The following BDKRB2 variants were observed in gnomAD, a reference collection of about 807,000 sequenced individuals.
BDKRB2 encodes bradykinin receptor B2.
BDKRB2 carries 6 observed loss-of-function variants against 4.0 expected under a neutral mutation model. That is an observed-to-expected ratio of 1.49 (90% CI 0.81 to 2.93). BDKRB2 has a LOEUF of 2.93. Ranked by LOEUF, BDKRB2 falls within the 30% of genes most tolerant of loss-of-function variation. The pLI is 0.00. For missense variants in BDKRB2, 478 were observed against 520.1 expected, an observed-to-expected ratio of 0.92 and a Z score of 0.79; for synonymous variants, 225 against 215.3, an observed-to-expected ratio of 1.05 and a Z score of -0.40.
chr14:96,235,619 T>C (rs1848734065), intron 1 of BDKRB2, among the ~76,000 whole-genome samples: 1 of 152,190 alleles, frequency 6.6e-6, no homozygotes, highest in African/African-American at 2.4e-5. Context: ...ATTTCCTGTT[T>C]ACCAACTCAG....
chr14:96,217,339 A>G (rs751460695), intron 1 of BDKRB2, among the ~76,000 whole-genome samples: 1 of 152,260 alleles, frequency 6.6e-6, no homozygotes, highest in Non-Finnish European at 1.5e-5. Flanking sequence ...GAACAGATTT[A>G]AGAAAGCTAG....
chr14:96,205,125 G>A (rs1403889826), intron 1 of BDKRB2, among the ~76,000 whole-genome samples, 166 bp downstream of exon 1: 2 of 152,166 alleles, frequency 1.3e-5, no homozygotes, highest in South Asian at 2.1e-4. Flanking sequence ...TCTGACAGGC[G>A]ATGGGGAGAA....
intron 1 of BDKRB2, among the ~76,000 whole-genome samples, chr14:96,219,703 C>G (rs1566689836): frequency 6.6e-6 from 1 of 152,028 alleles, no homozygotes; most frequent in Non-Finnish European, 1.5e-5. Context: ...TGTCGTAGGC[C>G]AGGCCCAGTG....
rs1370602999 is a variant in BDKRB2 at position 96,216,770 on chromosome 14, G to A, written c.-40+11811G>A. On this transcript the variant is annotated intron_variant, in intron 1 of 2. Coordinates refer to ENST00000554311, the MANE Select transcript of BDKRB2 (RefSeq NM_001379692.1). ...GAGGAAGGAGGAGGAGGAGGAGGAA[G>A]GAGGAGGAGGAGGAGGAGGAGGAAG... is the stretch of plus-strand genomic sequence containing the variant. Among the ~76,000 whole-genome samples, 6 of 134,048 alleles carry A rather than the reference G, an allele frequency of 4.5e-5. No homozygotes were observed. The East Asian group carries it at 1.1e-3, about 25-fold the overall frequency. 87.9% of individuals were successfully genotyped at this position (134,048 alleles called of 152,430 possible). A position where few individuals can be genotyped will look rare whatever the true frequency, so the allele number is the denominator to read the frequency against.
rs527662490 is a variant in BDKRB2 at position 96,230,539 on chromosome 14, C to T, written c.-39-6530C>T. Reference sequence around the variant, plus strand: ...CCCCCCAAGTAGCTGGGATTATAGGCGCCCGCCACCACACCCAGCTAATTT... The same window carrying T: ...CCCCCCAAGTAGCTGGGATTATAGGTGCCCGCCACCACACCCAGCTAATTT... On this transcript the variant is annotated intron_variant, in intron 1 of 2. Transcript: ENST00000554311. Among the ~76,000 whole-genome samples, 802 of 151,864 alleles carry T rather than the reference C, an allele frequency of 5.3e-3. 3 individuals are homozygous for T. Among genetic ancestry groups the T allele is most frequent in the African/African-American group, 0.018 (731 of 41,394 alleles).
chr14:96,236,255 C>T (rs1372246620), intron 1 of BDKRB2, among the ~76,000 whole-genome samples: 1 of 152,132 alleles, frequency 6.6e-6, no homozygotes, highest in East Asian at 1.9e-4. Context: ...CCCTCGAGAC[C>T]CTGTCTCCAT....
chr14:96,209,133 CCACG>C (rs149202553), intron 1 of BDKRB2, among the ~76,000 whole-genome samples: 4,697 of 152,268 alleles, frequency 0.031, 233 homozygotes, highest in African/African-American at 0.11. Flanking sequence ...GACTGGTCAC[CCACG>C]CAGGTGCGGG....
intron 1 of BDKRB2, among the ~76,000 whole-genome samples, chr14:96,214,084 G>A (rs546329983): frequency 1.3e-5 from 2 of 152,258 alleles, no homozygotes; most frequent in African/African-American, 2.4e-5. Flanking sequence ...CATGGTGGGC[G>A]GTGATCCAAA....
At chr14:96,229,015 C>T (rs929258230) in intron 1 of BDKRB2, among the ~76,000 whole-genome samples, 1 of 152,156 alleles carries the variant, frequency 6.6e-6, no homozygotes, top group Non-Finnish European at 1.5e-5. Flanking sequence ...GAGGCTGGAA[C>T]AGGTGGGGCA....
intron 1 of BDKRB2, among the ~76,000 whole-genome samples, chr14:96,232,718 C>T (rs2139791111): frequency 6.6e-6 from 1 of 152,298 alleles, no homozygotes; most frequent in East Asian, 1.9e-4. Flanking sequence ...AGTGCACGGA[C>T]ACCACGCTGA....
chr14:96,227,000 C>T (rs1484672850), intron 1 of BDKRB2, among the ~76,000 whole-genome samples: 2 of 152,294 alleles, frequency 1.3e-5, no homozygotes, highest in East Asian at 3.9e-4. Context: ...TAACCTGGGT[C>T]AAACCCCTAA....
chr14:96,232,054 G>A (rs1389812740), intron 1 of BDKRB2, among the ~76,000 whole-genome samples: 1 of 152,202 alleles, frequency 6.6e-6, no homozygotes, highest in African/African-American at 2.4e-5. Context: ...GCTGGCCTGT[G>A]AGCAGGAGAT....
chr14:96,205,437 GC>G (rs1231055798), intron 1 of BDKRB2, among the ~76,000 whole-genome samples: 71 of 150,448 alleles, frequency 4.7e-4, no homozygotes, highest in African/African-American at 1.7e-3. Flanking sequence ...CTGCAAAGCA[GC>G]CAGCTCGCTG....
intron 1 of BDKRB2, among the ~76,000 whole-genome samples, chr14:96,225,202 G>A (rs185391394): frequency 3.3e-5 from 5 of 152,070 alleles, no homozygotes; most frequent in Non-Finnish European, 7.3e-5. Flanking sequence ...GTTGTACAAA[G>A]GTCTCCAGAA....
At chr14:96,213,992 G>A (rs1437665758) in intron 1 of BDKRB2, among the ~76,000 whole-genome samples, 3 of 152,200 alleles carry the variant, frequency 2.0e-5, no homozygotes, top group Non-Finnish European at 4.4e-5. Flanking sequence ...GAGACCAGTG[G>A]GGCAGGGAGG....
Position 96,224,918 on chromosome 14 carries a change from G to A in BDKRB2, c.-39-12151G>A, listed in dbSNP as rs367739094. Among the ~76,000 whole-genome samples the A allele has an allele frequency of 1.1e-4, 16 of 152,322 alleles. No individual in the cohort carries two copies. In the East Asian group the frequency reaches 1.9e-3, roughly 18 times the overall value. Reference sequence around the variant, plus strand: ...TGGCTAGGGTGAGGCTTTGAGATGGGCGAGACTGTGAGCAGGACTGACAGG... The same window carrying A: ...TGGCTAGGGTGAGGCTTTGAGATGGACGAGACTGTGAGCAGGACTGACAGG... On this transcript the variant is annotated intron_variant, in intron 1 of 2. Coordinates refer to ENST00000554311, the MANE Select transcript of BDKRB2 (RefSeq NM_001379692.1).
In BDKRB2 at chr14:96,242,330, T is replaced by TAACTATTGCACAA. The variant is rs1566697759; in HGVS notation, c.*826_*827insAACTATTGCACAA. The TAACTATTGCACAA allele has an allele frequency of 2.0e-5, 3 of 152,200 alleles. No homozygotes were observed. Among genetic ancestry groups the TAACTATTGCACAA allele is most frequent in the Non-Finnish European group, 4.4e-5 (3 of 68,048 alleles). The allele number at this position is 152,200 out of a possible 1,614,324, so 9.4% of individuals were successfully genotyped here. A position where few individuals can be genotyped will look rare whatever the true frequency, so the allele number is the denominator to read the frequency against. On this transcript the variant is annotated 3_prime_UTR_variant, in exon 3 of 3. Transcript: ENST00000554311. ...TCAACCAATAACTATTGCACAACCA[T>TAACTATTGCACAA]CTGTCCCTGCCTCAGTTCCCTCTTC...
chr14:96,204,880 GGTGGGGAC>G lies in BDKRB2; in HGVS notation c.-117_-110del, dbSNP rs1890136719. 1 of 237,378 alleles carries G rather than the reference GGTGGGGAC, an allele frequency of 4.2e-6. No homozygotes were observed. The highest frequency in any genetic ancestry group is 7.9e-6 in the Non-Finnish European group (1 of 127,020). The allele number at this position is 237,378 out of a possible 1,614,324, so 14.7% of individuals were successfully genotyped here. On this transcript the variant is annotated 5_prime_UTR_variant, in exon 1 of 3. Transcript: ENST00000554311. ...CTGGGCTCCGAGGAGGGGTGGGGAC[GGTGGGGAC>G]GGTGGGGACATCAGGCTGCCCCGCA...
chr14:96,239,230 T>G (rs969854916), intron 2 of BDKRB2: 15 of 981,928 alleles, frequency 1.5e-5, no homozygotes, highest in Non-Finnish European at 1.7e-5. Context: ...CTTTTCAGTG[T>G]GTCTTCGCAT....
Sources: gnomAD v4.1 joint callset for allele counts (sites outside exome capture counted in the v4.1 genomes callset) on GRCh38, gnomAD v4.1.1 for gene constraint, MANE v1.5 for transcripts, NCBI Gene and HGNC (gene_info 2026-07-23, HGNC 2026-07-21) for gene names.